The following EXOC4 variants were observed in gnomAD, a reference collection of about 807,000 sequenced individuals.
EXOC4 encodes the protein exocyst complex component 4.
In EXOC4, 71 loss-of-function variants were observed where a neutral mutation model predicts 107.2. The ratio of observed to expected loss-of-function variants is 0.66; its 90% CI spans 0.55 to 0.81. EXOC4 has a LOEUF of 0.81. Among genes scored for constraint, EXOC4 ranks in the 30% least tolerant of loss-of-function variants. The pLI, the probability that EXOC4 is intolerant of heterozygous loss-of-function variation, is 0.00. For missense variants in EXOC4, 1,108 were observed against 1,189.6 expected (o/e 0.93, Z 1.01); for synonymous variants, 456 against 441.2 (o/e 1.03, Z -0.42).
the EXOC4 span, among the ~76,000 whole-genome samples, chr7:134,096,666 G>A: frequency 3.2e-4 from 49 of 152,238 alleles, 1 homozygote; most frequent in South Asian, 0.01. Flanking sequence ...GAGTCCAAAA[G>A]CTGAAGAATT....
At chr7:133,857,425 T>C (rs550669169) in intron 11 of EXOC4, among the ~76,000 whole-genome samples, 1 of 130,898 alleles carries the variant, frequency 7.6e-6, no homozygotes, top group East Asian at 2.4e-4. Context: ...CCTTCGGGTG[T>C]CACTTCACCA....
At chr7:133,702,354 A>ACCCCTCCCCTCCCC (rs1562915321) in intron 10 of EXOC4, among the ~76,000 whole-genome samples, 103 of 49,126 alleles carry the variant, frequency 2.1e-3, no homozygotes, top group East Asian at 2.5e-3. Context: ...TTCCCTTCCC[A>ACCCCTCCCCTCCCC]TCTTGACAAG....
chr7:133,749,278 C>T (rs1479499598), intron 10 of EXOC4, among the ~76,000 whole-genome samples: 3 of 152,186 alleles, frequency 2.0e-5, no homozygotes, highest in Non-Finnish European at 4.4e-5. Flanking sequence ...GATATTCCCC[C>T]AGATGGCCTA....
intron 7 of EXOC4, among the ~76,000 whole-genome samples, chr7:133,450,759 A>T (rs1237677032): frequency 6.6e-6 from 1 of 152,220 alleles, no homozygotes; most frequent in African/African-American, 2.4e-5. Context: ...AAACACATAA[A>T]ATAATAAATG....
At chr7:133,749,010 G>T (rs1795734700) in intron 10 of EXOC4, among the ~76,000 whole-genome samples, 1 of 152,198 alleles carries the variant, frequency 6.6e-6, no homozygotes, top group African/African-American at 2.4e-5. Context: ...TAAGTACTTG[G>T]CTTCAAGGAT....
chr7:133,294,621 A>G (rs1328849940), intron 3 of EXOC4, among the ~76,000 whole-genome samples: 2 of 152,254 alleles, frequency 1.3e-5, no homozygotes, highest in East Asian at 3.9e-4. Context: ...TTATATTTAT[A>G]TATCTGCCTT....
At chr7:133,887,190 C>A (rs1248960337) in intron 11 of EXOC4, among the ~76,000 whole-genome samples, 2 of 152,198 alleles carry the variant, frequency 1.3e-5, no homozygotes, top group Non-Finnish European at 2.9e-5. Flanking sequence ...CAGCACAATT[C>A]TCGTCAGCTG....
intron 11 of EXOC4, among the ~76,000 whole-genome samples, chr7:133,855,069 C>CTAAATATATATATATATA (rs1488157652): frequency 1.4e-4 from 6 of 42,964 alleles, no homozygotes; most frequent in African/African-American, 1.1e-3. Flanking sequence ...CTAAATATAT[C>CTAAATATATATATATATA]TAAATATATC....
At chr7:133,586,280 C>G (rs10155960) in intron 9 of EXOC4, among the ~76,000 whole-genome samples, 132,018 of 151,992 alleles carry the variant, frequency 0.87, 57,481 homozygotes, top group Admixed American at 0.89. Flanking sequence ...TTGTTCCCTT[C>G]CTTGTCTCCA....
rs199786320 is a variant in EXOC4 at position 133,275,155 on chromosome 7, G to A, written c.260G>A (p.Arg87Gln). ...QSITERITNS[R>Q]NKIKQVKENL... is the part of the protein sequence containing the mutation. ...ATCACAGAGCGCATCACTAACTCCC[G>A]AAATAAAATAAAGCAGGTATTCCTC... Residue 87 changes from arginine (R) to glutamine (Q), a missense_variant, in exon 2 of 18, where the codon CGA becomes CAA. Transcript: ENST00000253861. The A allele has an allele frequency of 1.4e-5, 23 of 1,596,022 alleles. No homozygotes were observed. In the East Asian group the frequency reaches 2.9e-4, roughly 20 times the overall value.
chr7:133,531,598 T>A (rs1467089749), intron 9 of EXOC4, among the ~76,000 whole-genome samples: 1 of 152,062 alleles, frequency 6.6e-6, no homozygotes, highest in Non-Finnish European at 1.5e-5. Context: ...GCAAGCAGAT[T>A]TACCACAGTC....
At chr7:133,370,414 G>A (rs1436704285) in intron 6 of EXOC4, among the ~76,000 whole-genome samples, 1 of 152,082 alleles carries the variant, frequency 6.6e-6, no homozygotes, top group Non-Finnish European at 1.5e-5. Flanking sequence ...CAAGCGAGGA[G>A]GGGCTTCTGG....
intron 9 of EXOC4, chr7:133,576,884 T>G (rs1801143313): frequency 1.6e-6 from 2 of 1,288,248 alleles, no homozygotes; most frequent in African/African-American, 3.0e-5. Flanking sequence ...TAATGTGTTT[T>G]AAGATTAAAT....
chr7:133,951,715 A>G (rs1479659447), intron 14 of EXOC4, among the ~76,000 whole-genome samples: 1 of 152,194 alleles, frequency 6.6e-6, no homozygotes, highest in Non-Finnish European at 1.5e-5. Context: ...CAGCCTTCCA[A>G]AATCCACATG....
intron 10 of EXOC4, among the ~76,000 whole-genome samples, chr7:133,815,204 C>G (rs1797337406): frequency 6.6e-6 from 1 of 151,952 alleles, no homozygotes; most frequent in Non-Finnish European, 1.5e-5. Context: ...CATGGCAAAA[C>G]TCCATCCCTA....
intron 10 of EXOC4, among the ~76,000 whole-genome samples, chr7:133,648,701 G>A (rs1562890791): frequency 1.3e-5 from 2 of 152,260 alleles, no homozygotes; most frequent in African/African-American, 4.8e-5. Flanking sequence ...TTTGGAAAAG[G>A]TCGAATAAAG....
chr7:134,073,554 G>T, the EXOC4 span, among the ~76,000 whole-genome samples: 1 of 152,062 alleles, frequency 6.6e-6, no homozygotes, highest in Non-Finnish European at 1.5e-5. Context: ...TCTGCCTGAG[G>T]TTTGAGTTTG....
In EXOC4 at chr7:133,347,468, T is replaced by C. The variant is rs1033262303; in HGVS notation, c.764-8862T>C. ...CATGTTGGCCAGGATGGTCTCGATC[T>C]CTTGACCTCTTGATCCGCCTGCCTC... is the stretch of plus-strand genomic sequence containing the variant. On this transcript the variant is annotated intron_variant, in intron 5 of 17. Coordinates refer to ENST00000253861, the MANE Select transcript of EXOC4 (RefSeq NM_021807.4). Among the ~76,000 whole-genome samples the C allele has an allele frequency of 5.3e-5, 8 of 152,030 alleles. No individual in the cohort carries two copies. The East Asian group carries it at 1.5e-3, about 29-fold the overall frequency.
chr7:133,411,888 A>G (rs986829737), intron 7 of EXOC4, among the ~76,000 whole-genome samples: 1 of 152,138 alleles, frequency 6.6e-6, no homozygotes, highest in African/African-American at 2.4e-5. Context: ...TTTGGTACTC[A>G]CGCAGTGTTG....
Sources: gnomAD v4.1 joint callset for allele counts (sites outside exome capture counted in the v4.1 genomes callset) on GRCh38, gnomAD v4.1.1 for gene constraint, MANE v1.5 for transcripts, NCBI Gene and HGNC (gene_info 2026-07-23, HGNC 2026-07-21) for gene names.